PIK3R3: variants seen among roughly 807,000 people sequenced by gnomAD.
The protein encoded by PIK3R3 is phosphoinositide-3-kinase regulatory subunit 3.
A neutral mutation model predicts 62.9 loss-of-function variants in PIK3R3; 64 were observed. The ratio of observed to expected loss-of-function variants is 1.02; its 90% confidence interval spans 0.83 to 1.25. PIK3R3 has a LOEUF of 1.25. PIK3R3 is among the 50% of genes most tolerant of loss of function. The pLI, the probability that PIK3R3 is intolerant of heterozygous loss-of-function variation, is 0.00. For synonymous variants in PIK3R3, 165 were observed against 189.0 expected, an observed-to-expected ratio of 0.87 and a Z score of 1.04; for missense variants, 614 against 561.6, an observed-to-expected ratio of 1.09 and a Z score of -0.94.
Position 46,066,115 on chromosome 1 carries a change from TGA to T in PIK3R3, c.558_559del (p.Gln187ValfsTer6), listed in dbSNP as rs781568531. On this transcript the variant is annotated frameshift_variant, in exon 5 of 10. Transcript: ENST00000262741. LOFTEE classifies it high-confidence loss of function. ...ATACTCTTTACTCTTCTCCTGATAC[TGA>T]GAGTGGTATTCTTGCAGTTTTTTAC... 6.3e-7 allele frequency: 1 copy of T among 1,598,100 alleles called. No homozygotes were observed. Among genetic ancestry groups the T allele is most frequent in the South Asian group, 1.1e-5 (1 of 90,782 alleles).
At chr1:46,160,438 T>C in the PIK3R3 span, among the ~76,000 whole-genome samples, 1 of 152,248 alleles carries the variant, frequency 6.6e-6, no homozygotes, top group Non-Finnish European at 1.5e-5. Flanking sequence ...TTCAGTTGCA[T>C]ATAATAGAAA....
At chr1:46,092,652 C>T (rs185367082) in intron 1 of PIK3R3, among the ~76,000 whole-genome samples, 13 of 152,294 alleles carry the variant, frequency 8.5e-5, no homozygotes, top group African/African-American at 1.9e-4. Flanking sequence ...AGTGAGCCAC[C>T]GCGCTTGGCC....
At chr1:46,141,563 G>A in the PIK3R3 span, among the ~76,000 whole-genome samples, 9 of 152,146 alleles carry the variant, frequency 5.9e-5, no homozygotes, top group African/African-American at 1.7e-4. Context: ...GAGCCACCGC[G>A]TCCAGCCTTC....
chr1:46,115,198 A>G (rs1654081798), intron 1 of PIK3R3, among the ~76,000 whole-genome samples: 1 of 152,184 alleles, frequency 6.6e-6, no homozygotes, highest in Admixed American at 6.5e-5. Flanking sequence ...AGAATTATAG[A>G]AAAACAGGGC....
chr1:46,040,585 T>G lies in PIK3R3; in HGVS notation c.*3088A>C, dbSNP rs1646978540. 4.4e-6 allele frequency: 1 copy of G among 224,840 alleles called. No homozygotes were observed. The allele number at this position is 224,840 out of a possible 1,614,324, so 13.9% of individuals were successfully genotyped here. Reference sequence around the variant, plus strand: ...GGCCCCCTATCTGGACCCTCTGGTTTCTGAGGCCACTGAAGCCTCACAGAG... The same window carrying G: ...GGCCCCCTATCTGGACCCTCTGGTTGCTGAGGCCACTGAAGCCTCACAGAG... On this transcript the variant is annotated 3_prime_UTR_variant, in exon 10 of 10. Coordinates refer to ENST00000262741, the MANE Select transcript of PIK3R3 (RefSeq NM_003629.4).
At chr1:46,072,602 A>G (rs922541301) in intron 3 of PIK3R3, among the ~76,000 whole-genome samples, 6 of 152,210 alleles carry the variant, frequency 3.9e-5, no homozygotes, top group African/African-American at 1.4e-4. Context: ...TCCACAACTT[A>G]GTGTGGGATT....
chr1:46,097,460 C>A (rs893925658), intron 1 of PIK3R3, among the ~76,000 whole-genome samples: 1 of 152,138 alleles, frequency 6.6e-6, no homozygotes, highest in African/African-American at 2.4e-5. Flanking sequence ...ATTTCCTCAC[C>A]TGATAAAGAG....
the PIK3R3 span, among the ~76,000 whole-genome samples, chr1:46,149,421 C>CA: frequency 0.055 from 2,815 of 51,578 alleles, 161 homozygotes; most frequent in African/African-American, 0.093. Flanking sequence ...GACTCTGTCT[C>CA]AAAAAAAAAA....
chr1:46,162,640 G>A, the PIK3R3 span, among the ~76,000 whole-genome samples: 13 of 150,676 alleles, frequency 8.6e-5, no homozygotes, highest in African/African-American at 2.2e-4. Flanking sequence ...TTATTTTTCC[G>A]AGACAGAGTC....
rs1647016074 is a variant in PIK3R3 at position 46,042,582 on chromosome 1, G to A, written c.*1091C>T. 4.5e-6 allele frequency: 1 copy of A among 219,884 alleles called. No individual in the cohort carries two copies. The highest frequency in any genetic ancestry group is 9.1e-6 in the Non-Finnish European group (1 of 109,530). The allele number at this position is 219,884 out of a possible 1,614,324, so 13.6% of individuals were successfully genotyped here. A position where few individuals can be genotyped will look rare whatever the true frequency, so the allele number is the denominator to read the frequency against. On this transcript the variant is annotated 3_prime_UTR_variant, in exon 10 of 10. Transcript: ENST00000262741. This position sits in a 1 kb window ranked among gnomAD's most constrained non-coding sequence, Gnocchi z 4.3. ...ATCCAGCAAAGGAGGGGGAAATGAA[G>A]GGAAATTAAACCATGTTTACTATTT...
chr1:46,100,100 TTATC>T (rs1194486269), intron 1 of PIK3R3, among the ~76,000 whole-genome samples: 2 of 152,260 alleles, frequency 1.3e-5, no homozygotes, highest in South Asian at 2.1e-4. Flanking sequence ...CCCAGATGGG[TTATC>T]TATCTCATGC....
chr1:46,115,516 T>C (rs1654108525), intron 1 of PIK3R3, among the ~76,000 whole-genome samples: 1 of 152,166 alleles, frequency 6.6e-6, no homozygotes, highest in South Asian at 2.1e-4. Flanking sequence ...AAATAAACAA[T>C]GAATAATACT....
chr1:46,139,145 A>G, the PIK3R3 span: 1 of 152,214 alleles, frequency 6.6e-6, no homozygotes, highest in Non-Finnish European at 1.5e-5. Context: ...CAGGAAGAAC[A>G]GTTCAAAATG....
chr1:46,148,372 T>G, the PIK3R3 span, among the ~76,000 whole-genome samples: 1 of 152,234 alleles, frequency 6.6e-6, no homozygotes, highest in Non-Finnish European at 1.5e-5. Context: ...TCTCCTTCCC[T>G]CTGTTGTTTC....
At chr1:46,051,871 T>C (rs1647380063) in intron 7 of PIK3R3, among the ~76,000 whole-genome samples, 1 of 151,876 alleles carries the variant, frequency 6.6e-6, no homozygotes, top group Non-Finnish European at 1.5e-5. Context: ...TAGTAAGGGA[T>C]TAACAAAAAC....
the PIK3R3 span, among the ~76,000 whole-genome samples, chr1:46,146,306 G>A: frequency 6.6e-6 from 1 of 152,096 alleles, no homozygotes; most frequent in African/African-American, 2.4e-5. Flanking sequence ...TTTTTCATGG[G>A]CTGTGCTATC....
At chr1:46,102,803 TAAAAAAAAAAAAAAAAA>T (rs33975572) in intron 1 of PIK3R3, among the ~76,000 whole-genome samples, 1 of 55,766 alleles carries the variant, frequency 1.8e-5, no homozygotes, top group Non-Finnish European at 3.0e-5. Flanking sequence ...GTATATATCT[TAAAAAAAAAAAAAAAAA>T]AAAAAAAAAA....
intron 1 of PIK3R3, chr1:46,104,832 T>C: frequency 2.5e-6 from 1 of 396,728 alleles, no homozygotes; most frequent in South Asian, 3.2e-5. Flanking sequence ...CTCAGGAAGC[T>C]AAGGCAGGGA....
At chr1:46,109,451 T>C (rs1653530282) in intron 1 of PIK3R3, among the ~76,000 whole-genome samples, 1 of 152,164 alleles carries the variant, frequency 6.6e-6, no homozygotes, top group African/African-American at 2.4e-5. Flanking sequence ...GAAAAATCTC[T>C]ACCCGGCTTA....
Sources: allele counts gnomAD v4.1 joint callset (sites outside exome capture counted in the v4.1 genomes callset), GRCh38; gene constraint gnomAD v4.1.1; non-coding constraint Gnocchi (gnomAD v3.1); transcripts MANE v1.5; gene names NCBI Gene and HGNC (gene_info 2026-07-23, HGNC 2026-07-21).